Variants in KDM5A observed in about 807,000 individuals in gnomAD.
The protein encoded by KDM5A is lysine-specific demethylase 5A.
KDM5A carries 42 observed loss-of-function variants against 193.5 expected under a neutral mutation model. The ratio of observed to expected loss-of-function variants is 0.22; its 90% CI spans 0.17 to 0.28. The LOEUF (loss-of-function observed/expected upper bound fraction) is 0.28. Among genes scored for constraint, KDM5A ranks in the 10% least tolerant of loss-of-function variants. KDM5A has a pLI of 1.00. For missense variants in KDM5A, 1,692 were observed against 2,055.1 expected, an observed-to-expected ratio of 0.82 and a Z score of 3.42; for synonymous variants, 796 against 718.1, an observed-to-expected ratio of 1.11 and a Z score of -1.73.
chr12:290,413 C>G (rs1411973493), intron 27 of KDM5A, among the ~76,000 whole-genome samples: 1 of 152,166 alleles, frequency 6.6e-6, no homozygotes, highest in African/African-American at 2.4e-5. Flanking sequence ...GTGGGGCACA[C>G]GTTGCTCACC....
chr12:323,241 A>G (rs1255558265), intron 15 of KDM5A, 35 bp from the exon 16 acceptor site: 1 of 1,490,136 alleles, frequency 6.7e-7, no homozygotes, highest in Non-Finnish European at 8.9e-7. Context: ...AAAAAAAAAG[A>G]AAACAGAAAT....
chr12:354,697 G>A (rs537731882), intron 7 of KDM5A, among the ~76,000 whole-genome samples: 37 of 152,150 alleles, frequency 2.4e-4, no homozygotes, highest in African/African-American at 8.7e-4. Flanking sequence ...AGCCCGAGAG[G>A]TGGAGCTTGC....
In KDM5A at chr12:389,317, T is replaced by G; in HGVS notation, c.-226A>C. Reference sequence around the variant, plus strand: ...AGGACTTTTCCGGAAGTTACCGTGCTGTCAAATCCCTCCGCCCCCTGCAGG... The same window carrying G: ...AGGACTTTTCCGGAAGTTACCGTGCGGTCAAATCCCTCCGCCCCCTGCAGG... On this transcript the variant is annotated 5_prime_UTR_variant, in exon 1 of 28. Transcript: ENST00000399788. The G allele has an allele frequency of 1.5e-6, 1 of 670,436 alleles. No individual in the cohort carries two copies. 41.5% of individuals were successfully genotyped at this position (670,436 alleles called of 1,614,324 possible).
intron 3 of KDM5A, among the ~76,000 whole-genome samples, chr12:379,982 A>T (rs536919308): frequency 6.6e-6 from 1 of 152,110 alleles, no homozygotes. Context: ...AAACCAGAAA[A>T]GTGCAGCCGG....
intron 24 of KDM5A, among the ~76,000 whole-genome samples, chr12:302,825 A>G (rs1420520663): frequency 2.0e-5 from 3 of 152,168 alleles, no homozygotes; most frequent in African/African-American, 7.2e-5. Context: ...AATTTACAAG[A>G]AAAAAACCAC....
chr12:309,000 G>A (rs1478629007), intron 22 of KDM5A, among the ~76,000 whole-genome samples: 1 of 152,120 alleles, frequency 6.6e-6, no homozygotes, highest in Non-Finnish European at 1.5e-5. Flanking sequence ...ATAGTAATAA[G>A]AGTCATAAAA....
chr12:367,924 ACTT>A lies in KDM5A; in HGVS notation c.367-1823_367-1821del, dbSNP rs548057599. 2.0e-3 allele frequency among the ~76,000 whole-genome samples: 297 copies of A among 152,270 alleles called. 1 individual carries two copies. The highest frequency in any genetic ancestry group is 6.5e-3 in the African/African-American group (272 of 41,554). On this transcript the variant is annotated intron_variant, in intron 3 of 27. Coordinates refer to ENST00000399788, the MANE Select transcript of KDM5A (RefSeq NM_001042603.3). ...AATTACCATATGATGCTGCAATTTCACTTCTAGATATATACTCAAAGAACTGAA... is the reference window on the plus strand; with the variant it reads ...AATTACCATATGATGCTGCAATTTCACTAGATATATACTCAAAGAACTGAA...
chr12:372,905 C>T (rs1411148221), intron 3 of KDM5A, among the ~76,000 whole-genome samples: 4 of 152,072 alleles, frequency 2.6e-5, no homozygotes, highest in South Asian at 2.1e-4. Context: ...TATTGATTTG[C>T]GTATATTGAA....
intron 19 of KDM5A, among the ~76,000 whole-genome samples, chr12:315,281 T>C (rs1026934927): frequency 6.6e-6 from 1 of 152,096 alleles, no homozygotes; most frequent in African/African-American, 2.4e-5. Context: ...CCTTCAAGAA[T>C]GAGGGTAAAA....
Position 322,420 on chromosome 12 carries a change from T to A in KDM5A, c.2423A>T (p.His808Leu), listed in dbSNP as rs74894801. The change falls in exon 17 of 28, where the codon CAC (histidine) becomes CTC (leucine). Residue 808 changes from histidine to leucine, a missense_variant. By Grantham distance (99) the His-to-Leu change is moderately conservative. Around this residue, in one of 11 missense-constraint regions of KDM5A, gnomAD observed 965 missense variants for 1,061.0 expected, o/e 0.91. Transcript: ENST00000399788. ...ATTAAACTCTTCTTAGGTTTACCTG[T>A]GTTTCTGCTTTTTGCTCAGAAGCAG... is the stretch of plus-strand genomic sequence containing the variant. Reference protein sequence around the residue: ...AQLLLSKKQKHRQSPDSGRTR... With the variant: ...AQLLLSKKQKLRQSPDSGRTR... The A allele has an allele frequency of 0.024, 38,197 of 1,611,814 alleles. 562 individuals carry two copies. The highest frequency in any genetic ancestry group is 0.029 in the Non-Finnish European group (34,021 of 1,179,846).
At position 309,930 on chromosome 12, in the gene KDM5A, C is replaced by T; in HGVS notation, c.3251G>A (p.Gly1084Glu). Residue 1084 changes from glycine (G) to glutamate (E), a missense_variant, in exon 22 of 28, where the codon GGG becomes GAG. Physicochemically the swap from Gly to Glu is moderately conservative, Grantham distance 98. This residue lies in a region of KDM5A where 965 missense variants were observed against 1,061.0 expected (regional missense o/e 0.91). Transcript: ENST00000399788. ...TTTTTTCCTCCTATTTTTGCCACTC[C>T]CATATACACCAATGTCGGTCCGGGG... ...LSPRTDIGVY[G>E]SGKNRRKKVK... 1 of 1,613,540 alleles carries T rather than the reference C, an allele frequency of 6.2e-7. No homozygotes were observed.
At chr12:337,055 G>A (rs1274820138) in intron 10 of KDM5A, among the ~76,000 whole-genome samples, 1 of 152,166 alleles carries the variant, frequency 6.6e-6, no homozygotes, top group East Asian at 1.9e-4. Context: ...CATGTGGGCA[G>A]ATTTCCCCCT....
intron 24 of KDM5A, among the ~76,000 whole-genome samples, chr12:305,962 T>C (rs572814934): frequency 1.1e-3 from 150 of 142,154 alleles, no homozygotes; most frequent in African/African-American, 3.7e-3. Context: ...ACTCTAGCAA[T>C]GGAAGTGTTT....
At chr12:381,753 G>C (rs1316859545) in intron 3 of KDM5A, among the ~76,000 whole-genome samples, 1 of 152,092 alleles carries the variant, frequency 6.6e-6, no homozygotes. Flanking sequence ...TTTAGTAAGA[G>C]AATTTTGACC....
Position 362,751 on chromosome 12 carries a change from C to T in KDM5A, c.672+212G>A, listed in dbSNP as rs557776913. 3.9e-5 allele frequency among the ~76,000 whole-genome samples: 6 copies of T among 152,234 alleles called. No individual in the cohort carries two copies. In the South Asian group the frequency reaches 1.0e-3, roughly 26 times the overall value. On this transcript the variant is annotated intron_variant, in intron 5 of 27. Coordinates refer to ENST00000399788, the MANE Select transcript of KDM5A (RefSeq NM_001042603.3). ...GAACAACAGTATATGAGTGGCCTCC[C>T]GTGACCAGGTAACTGTTCCACACAG... is the stretch of plus-strand genomic sequence containing the variant.
At chr12:297,380 T>G (rs1301917612) in intron 24 of KDM5A, among the ~76,000 whole-genome samples, 180 bp from the exon 25 acceptor site, 1 of 152,246 alleles carries the variant, frequency 6.6e-6, no homozygotes, top group Non-Finnish European at 1.5e-5. Context: ...ACTGTAATTG[T>G]GGCAGGCCAG....
intron 25 of KDM5A, 45 bp downstream of exon 25, chr12:296,996 T>C: frequency 6.3e-7 from 1 of 1,588,156 alleles, no homozygotes; most frequent in Non-Finnish European, 8.6e-7. Flanking sequence ...TTTTTCTCAT[T>C]GGTTTTCTGC....
intron 24 of KDM5A, among the ~76,000 whole-genome samples, chr12:299,615 C>T (rs375917057): frequency 3.3e-5 from 5 of 152,230 alleles, no homozygotes; most frequent in South Asian, 2.1e-4. Flanking sequence ...TAAAGACCAT[C>T]GACGCTATGA....
Position 325,880 on chromosome 12 carries a change from G to T in KDM5A, c.1969-2099C>A, listed in dbSNP as rs533803443. Among the ~76,000 whole-genome samples, 117 of 152,244 alleles carry T rather than the reference G, an allele frequency of 7.7e-4. No homozygotes were observed. The Middle Eastern group carries it at 0.017, about 22-fold the overall frequency. ...AACACAAAAATTAGCTGGGCAAGGT[G>T]GTGAACGCCTGTAATCCCAGCTACC... On this transcript the variant is annotated intron_variant, in intron 14 of 27. Transcript: ENST00000399788.
Sources: allele counts gnomAD v4.1 joint callset (sites outside exome capture counted in the v4.1 genomes callset), GRCh38; gene constraint gnomAD v4.1.1; regional missense constraint gnomAD v4.1.1; transcripts MANE v1.5; gene names NCBI Gene and HGNC (gene_info 2026-07-23, HGNC 2026-07-21).